RBFOX1: variants seen among roughly 807,000 people sequenced by gnomAD.
RBFOX1 encodes RNA binding protein fox-1 homolog 1.
In RBFOX1, 8 loss-of-function variants were observed where a neutral mutation model predicts 57.7. That is an observed-to-expected ratio of 0.14 (90% CI 0.08 to 0.25). The LOEUF (loss-of-function observed/expected upper bound fraction) is 0.25. RBFOX1 is among the 10% of genes least tolerant of loss of function. RBFOX1 has a pLI of 1.00. For synonymous variants in RBFOX1, 326 were observed against 222.4 expected (o/e 1.47, Z -4.15); for missense variants, 611 against 548.5 (o/e 1.11, Z -1.14).
At chr16:6,300,163 A>G (rs1249283752) in intron 1 of RBFOX1, among the ~76,000 whole-genome samples, 1 of 152,240 alleles carries the variant, frequency 6.6e-6, no homozygotes, top group Non-Finnish European at 1.5e-5. Context: ...AACAGAGAGT[A>G]GAATGGTGTT....
Position 5,769,593 on chromosome 16 carries a change from C to T in RBFOX1, c.319-97710C>T, listed in dbSNP as rs558728800. On this transcript the variant is annotated intron_variant, in intron 3 of 19. Coordinates refer to the RBFOX1 transcript ENST00000641259. ...GCTTGAAGTCAGAAGGAGGAGGTTG[C>T]GGTGAGCCGAGATCATGCCATTGGA... Among the ~76,000 whole-genome samples, 23 of 151,920 alleles carry T rather than the reference C, an allele frequency of 1.5e-4. 1 individual carries two copies. The South Asian group carries it at 3.5e-3, about 23-fold the overall frequency.
At chr16:6,859,197 GTATA>G (rs796642501) in intron 3 of RBFOX1, among the ~76,000 whole-genome samples, 4 of 84,852 alleles carry the variant, frequency 4.7e-5, no homozygotes, top group East Asian at 3.7e-4. Flanking sequence ...ATATATATAT[GTATA>G]TATATATATA....
chr16:5,405,432 AAG>A (rs1377690667), intron 1 of RBFOX1, among the ~76,000 whole-genome samples: 1 of 152,202 alleles, frequency 6.6e-6, no homozygotes, highest in Non-Finnish European at 1.5e-5. Flanking sequence ...ATTGCCATGT[AAG>A]ATGTGCCTTT....
At chr16:5,367,406 C>T (rs2065747158) in intron 1 of RBFOX1, among the ~76,000 whole-genome samples, 1 of 152,286 alleles carries the variant, frequency 6.6e-6, no homozygotes, top group Non-Finnish European at 1.5e-5. Context: ...AAGGGACCCA[C>T]TGATGTGGGA....
At chr16:6,895,788 G>T (rs914461188) in intron 3 of RBFOX1, among the ~76,000 whole-genome samples, 1 of 151,960 alleles carries the variant, frequency 6.6e-6, no homozygotes, top group African/African-American at 2.4e-5. Flanking sequence ...TCCCAGCTCT[G>T]CCACTTCCCG....
chr16:7,358,338 T>G (rs540042125), intron 4 of RBFOX1, among the ~76,000 whole-genome samples: 2 of 152,372 alleles, frequency 1.3e-5, no homozygotes, highest in East Asian at 1.9e-4. Flanking sequence ...AATTGTTTAA[T>G]AAATAATGAT....
At chr16:5,310,930 G>T (rs2151220558) in intron 1 of RBFOX1, among the ~76,000 whole-genome samples, 1 of 152,214 alleles carries the variant, frequency 6.6e-6, no homozygotes, top group Admixed American at 6.5e-5. Flanking sequence ...TGAGATTTTA[G>T]TGCACCTATC....
intron 2 of RBFOX1, among the ~76,000 whole-genome samples, chr16:6,595,647 G>A (rs1477537761): frequency 3.9e-5 from 6 of 152,098 alleles, no homozygotes; most frequent in Non-Finnish European, 7.3e-5. Flanking sequence ...GTTTTCCAAC[G>A]TGGGTACCCC....
At chr16:7,265,432 T>C (rs1313023826) in intron 4 of RBFOX1, among the ~76,000 whole-genome samples, 1 of 152,090 alleles carries the variant, frequency 6.6e-6, no homozygotes, top group Non-Finnish European at 1.5e-5. Context: ...CTTTCCTTTA[T>C]TCATTTATTT....
rs185129148 is a variant in RBFOX1 at position 7,063,559 on chromosome 16, A to G, written c.27+11461A>G. On this transcript the variant is annotated intron_variant, in intron 4 of 15. Transcript: ENST00000550418. ...TTTTTAAGCCATTTCTCAAGTGGGAATGAGAGTTGAGAATAGTACTTTTCA... is the reference window on the plus strand; with the variant it reads ...TTTTTAAGCCATTTCTCAAGTGGGAGTGAGAGTTGAGAATAGTACTTTTCA... Among the ~76,000 whole-genome samples the G allele has an allele frequency of 2.2e-3, 335 of 152,314 alleles. 2 individuals carry two copies. The highest frequency in any genetic ancestry group is 6.8e-3 in the Middle Eastern group (2 of 294).
chr16:5,660,936 C>T (rs1366112093), intron 3 of RBFOX1, among the ~76,000 whole-genome samples: 1 of 152,134 alleles, frequency 6.6e-6, no homozygotes, highest in Admixed American at 6.5e-5. Context: ...GGAAGGAGTG[C>T]TGATGTTAGA....
chr16:7,708,821 C>CGTGTGTAT (rs1568607673), intron 14 of RBFOX1, among the ~76,000 whole-genome samples: 1 of 7,210 alleles, frequency 1.4e-4, no homozygotes, highest in South Asian at 0.026. Context: ...TATGTAAGTA[C>CGTGTGTAT]GTGTGTATAT....
chr16:6,095,134 C>G (rs181202555), intron 1 of RBFOX1, among the ~76,000 whole-genome samples: 31 of 152,248 alleles, frequency 2.0e-4, no homozygotes, highest in African/African-American at 7.5e-4. Context: ...AGTATGGGCC[C>G]ATACATATAT....
chr16:6,009,099 CTTTT>C (rs536519387), intron 4 of RBFOX1, among the ~76,000 whole-genome samples: 1 of 142,354 alleles, frequency 7.0e-6, no homozygotes. Context: ...TTGTCTTTTA[CTTTT>C]TTTTTTTTTT....
At chr16:5,410,572 G>A (rs1027644517) in intron 1 of RBFOX1, among the ~76,000 whole-genome samples, 2 of 152,160 alleles carry the variant, frequency 1.3e-5, no homozygotes, top group Admixed American at 6.5e-5. Context: ...TCCTGCAGGA[G>A]AAACGTCAGT....
intron 2 of RBFOX1, among the ~76,000 whole-genome samples, chr16:6,490,769 G>C (rs12932034): frequency 6.6e-6 from 1 of 152,210 alleles, no homozygotes; most frequent in African/African-American, 2.4e-5. Flanking sequence ...AACTGGGCTG[G>C]AAGTGGAATC....
intron 2 of RBFOX1, among the ~76,000 whole-genome samples, chr16:5,535,887 G>T (rs1597435669): frequency 2.0e-5 from 3 of 152,228 alleles, no homozygotes; most frequent in East Asian, 3.9e-4. Flanking sequence ...GCTGAAGAGG[G>T]GCGTACTGTA....
At chr16:6,548,035 C>T (rs1315074853) in intron 2 of RBFOX1, among the ~76,000 whole-genome samples, 2 of 152,268 alleles carry the variant, frequency 1.3e-5, no homozygotes, top group Admixed American at 6.5e-5. Flanking sequence ...TTGACAAGCT[C>T]AGACTATTCA....
At chr16:7,399,800 G>C (rs928487294) in intron 4 of RBFOX1, among the ~76,000 whole-genome samples, 2 of 152,170 alleles carry the variant, frequency 1.3e-5, no homozygotes, top group Admixed American at 1.3e-4. Flanking sequence ...TCACAGGCAC[G>C]AGGGGTTAAG....
Sources: gnomAD v4.1 joint callset for allele counts (sites outside exome capture counted in the v4.1 genomes callset) on GRCh38, gnomAD v4.1.1 for gene constraint, MANE v1.5 for transcripts, NCBI Gene and HGNC (gene_info 2026-07-23, HGNC 2026-07-21) for gene names.